FNDC4: variants seen among roughly 807,000 people sequenced by gnomAD.
The protein encoded by FNDC4 is fibronectin type III domain-containing protein 4.
Under a neutral mutation model 25.1 loss-of-function variants are expected in FNDC4, and 11 were observed. The observed-to-expected ratio is 0.44, with a 90% CI of 0.28 to 0.73. The LOEUF (loss-of-function observed/expected upper bound fraction) is 0.73, where lower values mean the gene tolerates loss of function less well. FNDC4 is among the 30% of genes least tolerant of loss of function. The probability of loss-of-function intolerance (pLI) is 0.16; values close to 1 mark genes in which losing one functional copy is unlikely to be tolerated. For synonymous variants in FNDC4, 136 were observed against 118.8 expected, an observed-to-expected ratio of 1.14 and a Z score of -0.94; for missense variants, 250 against 304.3, an observed-to-expected ratio of 0.82 and a Z score of 1.33.
chr2:27,492,685 CTT>C lies in FNDC4; in HGVS notation c.648_649del (p.Arg217AlafsTer34). ...CATCACCTGTCTTGTCCCCACTGGC[CTT>C]CCCTGAGGACTCTGTTCCGGCCCCT... On this transcript the variant is annotated frameshift_variant, in exon 6 of 7. Coordinates refer to ENST00000264703, the MANE Select transcript of FNDC4 (RefSeq NM_022823.3). LOFTEE classifies it high-confidence loss of function. The surrounding 1 kb of genome is among the most constrained non-coding windows in gnomAD (Gnocchi z 4.1). The C allele has an allele frequency of 6.2e-7, 1 of 1,614,160 alleles. No individual in the cohort carries two copies. Among genetic ancestry groups the C allele is most frequent in the East Asian group, 2.2e-5 (1 of 44,864 alleles).
rs1221219923 is a variant in FNDC4, at chr2:27,491,953, C to A, written c.*490G>T. 2 of 162,222 alleles carry A rather than the reference C, an allele frequency of 1.2e-5. No individual in the cohort carries two copies. Among genetic ancestry groups the A allele is most frequent in the Admixed American group, 5.9e-5 (1 of 16,980 alleles). 10.0% of individuals were successfully genotyped at this position (162,222 alleles called of 1,614,324 possible). A position where few individuals can be genotyped will look rare whatever the true frequency, so the allele number is the denominator to read the frequency against. On this transcript the variant is annotated 3_prime_UTR_variant, in exon 7 of 7. Transcript: ENST00000264703. ...ATATCACTAGCAGCTGAAGGGGCTG[C>A]CAGGTGAGAGGGGGAGCACCTGAGG...
rs2148573695 is a variant in FNDC4 at position 27,492,752 on chromosome 2, T to C, written c.583A>G (p.Lys195Glu). Reference sequence around the variant, plus strand: ...GGATTGTTGTTGGAGTCATTGTCCTTGATGATGTCATACTGACGGCAGAAC... The same window carrying C: ...GGATTGTTGTTGGAGTCATTGTCCTCGATGATGTCATACTGACGGCAGAAC... ...GLFCRQYDIIKDNDSNNNPKE... is the reference protein window; with the variant it reads ...GLFCRQYDIIEDNDSNNNPKE... Residue 195 changes from lysine (K) to glutamate (E), a missense_variant, in exon 6 of 7, where the codon AAG becomes GAG. Physicochemically the swap from Lys to Glu is moderately conservative, Grantham distance 56 (BLOSUM62 1). Transcript: ENST00000264703. The surrounding 1 kb of genome is among the most constrained non-coding windows in gnomAD (Gnocchi z 4.1). 1 of 1,614,092 alleles carries C rather than the reference T, an allele frequency of 6.2e-7. No homozygotes were observed. Among genetic ancestry groups the C allele is most frequent in the East Asian group, 2.2e-5 (1 of 44,846 alleles).
chr2:27,492,537 T>C lies in FNDC4; in HGVS notation c.670-59A>G, dbSNP rs777798658. ...GGAAGGTAATAGGTGCCACCCTTTC[T>C]CTCCAGCCTCCCCCATCCCAGATCT... On this transcript the variant is annotated intron_variant, in intron 6 of 6. Transcript: ENST00000264703. The surrounding 1 kb of genome is among the most constrained non-coding windows in gnomAD (Gnocchi z 4.1). The C allele has an allele frequency of 3.5e-5, 56 of 1,592,598 alleles. No individual in the cohort carries two copies. The highest frequency in any genetic ancestry group is 4.6e-5 in the Non-Finnish European group (53 of 1,160,576).
intron 4 of FNDC4, among the ~76,000 whole-genome samples, 178 bp downstream of exon 4, chr2:27,493,752 C>T (rs556909520): frequency 6.6e-6 from 1 of 152,354 alleles, no homozygotes; most frequent in East Asian, 1.9e-4. Flanking sequence ...CCAAACAACT[C>T]AATACCAGCC....
At position 27,493,988 on chromosome 2, in the gene FNDC4, C is replaced by A; in HGVS notation, c.396G>T (p.Arg132=). 6.2e-7 allele frequency: 1 copy of A among 1,614,232 alleles called. No individual in the cohort carries two copies. The highest frequency in any genetic ancestry group is 8.5e-7 in the Non-Finnish European group (1 of 1,180,044). ...AACCCTTGAGAGTTCGGAAGTGCAC[C>A]CGGGGCCCTGGGGGACTCTCTCCCC... ...GLRGESPPGP[R]VHFRTLKGSD... Residue 132 remains arginine (R), a synonymous_variant, in exon 4 of 7, where the codon CGG becomes CGT. Coordinates refer to ENST00000264703, the MANE Select transcript of FNDC4 (RefSeq NM_022823.3).
intron 5 of FNDC4, among the ~76,000 whole-genome samples, chr2:27,493,005 C>T (rs1338959280): frequency 2.8e-5 from 3 of 107,170 alleles, no homozygotes; most frequent in Non-Finnish European, 5.3e-5. Flanking sequence ...ATTTCTCTTA[C>T]TTTTTTTTTT....
In FNDC4 at chr2:27,494,907, T is replaced by C; in HGVS notation, c.-54A>G. 1 of 452,244 alleles carries C rather than the reference T, an allele frequency of 2.2e-6. No homozygotes were observed. Among genetic ancestry groups the C allele is most frequent in the Non-Finnish European group, 3.9e-6 (1 of 257,122 alleles). The allele number at this position is 452,244 out of a possible 1,614,324, so 28.0% of individuals were successfully genotyped here. On this transcript the variant is annotated 5_prime_UTR_variant, in exon 1 of 7. Coordinates refer to ENST00000264703, the MANE Select transcript of FNDC4 (RefSeq NM_022823.3). This position sits in a 1 kb window ranked among gnomAD's most constrained non-coding sequence, Gnocchi z 4.6. Reference sequence around the variant, plus strand: ...GCCGGTCCTCGCGGTTGGTCAGGCCTCGGGGGGCTGCTCGGTGCCCAGAGG... The same window carrying C: ...GCCGGTCCTCGCGGTTGGTCAGGCCCCGGGGGGCTGCTCGGTGCCCAGAGG...
chr2:27,493,887 A>T (rs757749022), intron 4 of FNDC4, 43 bp downstream of exon 4: 1 of 1,567,506 alleles, frequency 6.4e-7, no homozygotes, highest in Non-Finnish European at 8.8e-7. Flanking sequence ...AGAGGCTGCA[A>T]GCCAGGTAAG....
In FNDC4 at chr2:27,494,544, T is replaced by C; in HGVS notation, c.133+3A>G. 6 of 1,612,536 alleles carry C rather than the reference T, an allele frequency of 3.7e-6. No individual in the cohort carries two copies. The South Asian group carries it at 6.6e-5, about 18-fold the overall frequency. Reference sequence around the variant, plus strand: ...ACCCTCAGCCCCGTTCCCCTTTACTTACCTGCTCGCACGAAGCCCAGGTCA... The same window carrying C: ...ACCCTCAGCCCCGTTCCCCTTTACTCACCTGCTCGCACGAAGCCCAGGTCA... On this transcript the variant is annotated splice_donor_region_variant and intron_variant, in intron 2 of 6. Transcript: ENST00000264703. The surrounding 1 kb of genome is among the most constrained non-coding windows in gnomAD (Gnocchi z 4.6).
At position 27,494,059 on chromosome 2, in the gene FNDC4, C is replaced by A; in HGVS notation, c.325G>T (p.Ala109Ser). 1 of 1,614,224 alleles carries A rather than the reference C, an allele frequency of 6.2e-7. No homozygotes were observed. Among genetic ancestry groups the A allele is most frequent in the South Asian group, 1.1e-5 (1 of 91,090 alleles). ...TGCACTGTGTAGTCACTGTCTTCAG[C>A]CAGGCCCCAGAGGGCACAGGCCCGG... ...TTRACALWGL[A>S]EDSDYTVQVR... is the part of the protein sequence containing the mutation. Residue 109 changes from alanine to serine, a missense_variant, in exon 4 of 7, where the codon GCT becomes TCT. Physicochemically the swap from Ala to Ser is moderately conservative, Grantham distance 99. Transcript: ENST00000264703. The surrounding 1 kb of genome is among the most constrained non-coding windows in gnomAD (Gnocchi z 4.6).
In FNDC4 at chr2:27,494,177, G is replaced by A. The variant is rs773445678; in HGVS notation, c.250-43C>T. The A allele has an allele frequency of 8.2e-6, 13 of 1,577,382 alleles. No individual in the cohort carries two copies. Among genetic ancestry groups the A allele is most frequent in the Non-Finnish European group, 1.0e-5 (12 of 1,151,702 alleles). On this transcript the variant is annotated intron_variant, in intron 3 of 6. Transcript: ENST00000264703. The surrounding 1 kb of genome is among the most constrained non-coding windows in gnomAD (Gnocchi z 4.6). ...GAGAGGAGGACAGCCTCACCCCAGT[G>A]CCAGGCCACAAGGCTCAACCAGAGA...
chr2:27,492,357 C>A lies in FNDC4; in HGVS notation c.*86G>T. On this transcript the variant is annotated 3_prime_UTR_variant, in exon 7 of 7. Coordinates refer to ENST00000264703, the MANE Select transcript of FNDC4 (RefSeq NM_022823.3). This position sits in a 1 kb window ranked among gnomAD's most constrained non-coding sequence, Gnocchi z 4.1. ...GAGTGGCATTACCCTCTGGGAGTCT[C>A]GGGCAGATCACCATCTTGGGCTCCC... The A allele has an allele frequency of 6.5e-7, 1 of 1,531,356 alleles. No homozygotes were observed. Among genetic ancestry groups the A allele is most frequent in the South Asian group, 1.1e-5 (1 of 89,340 alleles). The allele number at this position is 1,531,356 out of a possible 1,614,324, so 94.9% of individuals were successfully genotyped here.
intron 4 of FNDC4, 59 bp downstream of exon 4, chr2:27,493,871 T>G: frequency 2.7e-6 from 4 of 1,473,388 alleles, no homozygotes; most frequent in Non-Finnish European, 3.8e-6. Flanking sequence ...CTTGGGGAAG[T>G]AAGTAAGAGG....
At position 27,494,134 on chromosome 2, in the gene FNDC4, G is replaced by T. The variant is rs1439859172; in HGVS notation, c.250C>A (p.Arg84=). ...ACACGCTGCCCGGGGCCATTCTGCC[G>T]CTGCAGGGAGATGAGGGGAGAGGAG... ...IVIGYSISQQ[R]QNGPGQRVIR... is the part of the protein sequence containing the mutation. The change falls in exon 4 of 7, where the codon CGG becomes AGG. Residue 84 remains arginine (R), a splice_region_variant and synonymous_variant. Transcript: ENST00000264703. The surrounding 1 kb of genome is among the most constrained non-coding windows in gnomAD (Gnocchi z 4.6). 6.2e-7 allele frequency: 1 copy of T among 1,613,358 alleles called. No homozygotes were observed. The highest frequency in any genetic ancestry group is 2.2e-5 in the East Asian group (1 of 44,882).
At position 27,493,481 on chromosome 2, in the gene FNDC4, G is replaced by A; in HGVS notation, c.455-3C>T. 2 of 1,610,324 alleles carry A rather than the reference G, an allele frequency of 1.2e-6. No individual in the cohort carries two copies. Among genetic ancestry groups the A allele is most frequent in the Non-Finnish European group, 1.7e-6 (2 of 1,176,674 alleles). On this transcript the variant is annotated splice_region_variant and splice_polypyrimidine_tract_variant and intron_variant, in intron 4 of 6. Transcript: ENST00000264703. Reference sequence around the variant, plus strand: ...CAGACCTTCCACTGTGATGTCACCTGAGAAGGGAGAAGGCAGAAGGCAGAC... The same window carrying A: ...CAGACCTTCCACTGTGATGTCACCTAAGAAGGGAGAAGGCAGAAGGCAGAC...
intron 5 of FNDC4, among the ~76,000 whole-genome samples, 171 bp downstream of exon 5, chr2:27,493,218 G>C (rs1369539553): frequency 2.0e-5 from 3 of 151,904 alleles, no homozygotes; most frequent in African/African-American, 7.3e-5. Context: ...CACCATGTTG[G>C]CCAGGCTGGT....
intron 4 of FNDC4, 47 bp downstream of exon 4, chr2:27,493,883 T>C: frequency 6.4e-7 from 1 of 1,572,574 alleles, no homozygotes; most frequent in Non-Finnish European, 8.8e-7. Flanking sequence ...AGTAAGAGGC[T>C]GCAAGCCAGG....
chr2:27,494,427 A>T lies in FNDC4; in HGVS notation c.173T>A (p.Leu58His). 1 of 1,614,156 alleles carries T rather than the reference A, an allele frequency of 6.2e-7. No individual in the cohort carries two copies. The highest frequency in any genetic ancestry group is 1.1e-5 in the South Asian group (1 of 91,080). The change falls in exon 3 of 7, where the codon CTC becomes CAC. Residue 58 changes from leucine (L) to histidine (H), a missense_variant. Leu to His is a moderately conservative substitution (Grantham distance 99). Coordinates refer to ENST00000264703, the MANE Select transcript of FNDC4 (RefSeq NM_022823.3). The surrounding 1 kb of genome is among the most constrained non-coding windows in gnomAD (Gnocchi z 4.6). ...GGACACAGTGGCCGAGTTGGCTCTG[A>T]GGTGAGTGACCGTCACATTCACAGG... is the stretch of plus-strand genomic sequence containing the variant. ...PSPVNVTVTH[L>H]RANSATVSWD... is the part of the protein sequence containing the mutation.
Position 27,494,707 on chromosome 2 carries a change from G to A in FNDC4, c.-24-4C>T. 6.7e-7 allele frequency: 1 copy of A among 1,496,258 alleles called. No homozygotes were observed. Among genetic ancestry groups the A allele is most frequent in the Non-Finnish European group, 8.9e-7 (1 of 1,126,152 alleles). 92.7% of individuals were successfully genotyped at this position (1,496,258 alleles called of 1,614,324 possible). A position where few individuals can be genotyped will look rare whatever the true frequency, so the allele number is the denominator to read the frequency against. ...GCTTGACATCCAGGCGGGGCTCCTG[G>A]AGATGGCAGGAGTTGTGGGGGGTCA... On this transcript the variant is annotated splice_region_variant and splice_polypyrimidine_tract_variant and intron_variant, in intron 1 of 6. Coordinates refer to ENST00000264703, the MANE Select transcript of FNDC4 (RefSeq NM_022823.3). The surrounding 1 kb of genome is among the most constrained non-coding windows in gnomAD (Gnocchi z 4.6).
Sources: allele counts gnomAD v4.1 joint callset (sites outside exome capture counted in the v4.1 genomes callset), GRCh38; gene constraint gnomAD v4.1.1; non-coding constraint Gnocchi (gnomAD v3.1); transcripts MANE v1.5; gene names NCBI Gene and HGNC (gene_info 2026-07-23, HGNC 2026-07-21).